NOL4L: variants seen among roughly 807,000 people sequenced by gnomAD.
NOL4L encodes the protein nucleolar protein 4-like.
In NOL4L, 7 loss-of-function variants were observed where a neutral mutation model predicts 64.5. That is an observed-to-expected ratio of 0.11 (90% CI 0.06 to 0.20). The LOEUF (loss-of-function observed/expected upper bound fraction) is 0.20, where lower values mean the gene tolerates loss of function less well. Among genes scored for constraint, NOL4L ranks in the 10% least tolerant of loss-of-function variants. The probability of loss-of-function intolerance (pLI) is 1.00; values close to 1 mark genes in which losing one functional copy is unlikely to be tolerated. For missense variants in NOL4L, 680 were observed against 967.1 expected, an observed-to-expected ratio of 0.70 and a Z score of 3.94; for synonymous variants, 413 against 401.0, an observed-to-expected ratio of 1.03 and a Z score of -0.36.
chr20:32,455,091 T>C (rs1194995446), intron 6 of NOL4L, among the ~76,000 whole-genome samples: 1 of 152,144 alleles, frequency 6.6e-6, no homozygotes, highest in Non-Finnish European at 1.5e-5. Flanking sequence ...CCCACGCCAC[T>C]CCTCAGCCAA....
Position 32,446,237 on chromosome 20 carries a change from A to ATCAG in NOL4L, c.*1358_*1359insCTGA, listed in dbSNP as rs966939541. 6.6e-6 allele frequency: 1 copy of ATCAG among 152,018 alleles called. No individual in the cohort carries two copies. The highest frequency in any genetic ancestry group is 1.5e-5 in the Non-Finnish European group (1 of 68,094). 9.4% of individuals were successfully genotyped at this position (152,018 alleles called of 1,614,324 possible). On this transcript the variant is annotated 3_prime_UTR_variant, in exon 11 of 11. Transcript: ENST00000621426. ...AGCAAGAGGAAGTGCCTATCAATCA[A>ATCAG]TCAATCAGGGAGGAAGGAAACCAGG...
intron 5 of NOL4L, among the ~76,000 whole-genome samples, chr20:32,458,071 C>T (rs1216560299): frequency 1.3e-5 from 2 of 152,190 alleles, no homozygotes; most frequent in African/African-American, 4.8e-5. Context: ...GGGAACCAGA[C>T]CAGCTCCTCA....
At chr20:32,475,655 G>C (rs1275308505) in intron 4 of NOL4L, among the ~76,000 whole-genome samples, 1 of 152,238 alleles carries the variant, frequency 6.6e-6, no homozygotes, top group Non-Finnish European at 1.5e-5. Context: ...GTAAAACCAA[G>C]AAAGATGACC....
At chr20:32,529,274 G>C (rs1000823009) in intron 1 of NOL4L, among the ~76,000 whole-genome samples, 7 of 152,222 alleles carry the variant, frequency 4.6e-5, no homozygotes, top group Non-Finnish European at 1.0e-4. Flanking sequence ...AGTTGTGTGT[G>C]CAGCACTTGG....
intron 4 of NOL4L, among the ~76,000 whole-genome samples, chr20:32,476,485 G>A (rs954920513): frequency 6.6e-6 from 1 of 152,218 alleles, no homozygotes; most frequent in East Asian, 1.9e-4. Flanking sequence ...ATGCCCAGGG[G>A]GTGCCATGCT....
intron 4 of NOL4L, chr20:32,510,522 C>T (rs188971188): frequency 3.4e-4 from 54 of 160,924 alleles, no homozygotes; most frequent in African/African-American, 1.2e-3. Flanking sequence ...AGACCGGCAG[C>T]GCAGGACAGC....
intron 10 of NOL4L, among the ~76,000 whole-genome samples, chr20:32,450,628 A>AGGAG (rs969181126): frequency 3.9e-5 from 6 of 152,156 alleles, no homozygotes; most frequent in Non-Finnish European, 8.8e-5. Flanking sequence ...AGAGGCCCTT[A>AGGAG]GGAGGGTCAG....
chr20:32,481,735 C>T (rs1220238102), intron 4 of NOL4L, among the ~76,000 whole-genome samples: 1 of 152,212 alleles, frequency 6.6e-6, no homozygotes, highest in Non-Finnish European at 1.5e-5. Context: ...GCCCTAATGG[C>T]TTTCCAATGA....
At chr20:32,520,549 C>T (rs7272566) in intron 3 of NOL4L, among the ~76,000 whole-genome samples, 5,885 of 152,152 alleles carry the variant, frequency 0.039, 337 homozygotes, top group African/African-American at 0.13. Flanking sequence ...AGGGGCTGGC[C>T]GGGGCCTTGC....
At chr20:32,475,150 C>T in intron 4 of NOL4L, 2 of 985,468 alleles carry the variant, frequency 2.0e-6, no homozygotes, top group Non-Finnish European at 2.4e-6. Context: ...GGCAGCAGCA[C>T]ATGCCCGCCA....
At chr20:32,466,959 C>A (rs1460723303) in intron 5 of NOL4L, among the ~76,000 whole-genome samples, 1 of 152,108 alleles carries the variant, frequency 6.6e-6, no homozygotes, top group Non-Finnish European at 1.5e-5. Flanking sequence ...TGCTGTGACC[C>A]AGGGATGGGC....
intron 1 of NOL4L, among the ~76,000 whole-genome samples, chr20:32,561,464 G>A (rs1218836095): frequency 1.3e-5 from 2 of 152,218 alleles, no homozygotes; most frequent in Non-Finnish European, 2.9e-5. Flanking sequence ...TTCCAGAGCC[G>A]AGGGTGTGCC....
chr20:32,475,255 C>G, intron 4 of NOL4L: 4 of 985,466 alleles, frequency 4.1e-6, no homozygotes, highest in Non-Finnish European at 4.8e-6. Flanking sequence ...CTCCCCCAGC[C>G]CAGAGGACGT....
chr20:32,455,669 G>T (rs1306300613), intron 6 of NOL4L, among the ~76,000 whole-genome samples: 1 of 152,108 alleles, frequency 6.6e-6, no homozygotes, highest in Non-Finnish European at 1.5e-5. Context: ...CAAAGGAGGA[G>T]TTCCACTGCC....
chr20:32,455,505 C>CG (rs1051529589), intron 6 of NOL4L, among the ~76,000 whole-genome samples: 2 of 152,188 alleles, frequency 1.3e-5, no homozygotes, highest in Non-Finnish European at 2.9e-5. Context: ...CTCTGGCCCC[C>CG]GGGCCCAGGT....
chr20:32,534,318 G>T (rs2018442429), intron 1 of NOL4L, among the ~76,000 whole-genome samples: 1 of 152,204 alleles, frequency 6.6e-6, no homozygotes, highest in South Asian at 2.1e-4. Flanking sequence ...TATTGGACGA[G>T]AAAGTCAGCC....
intron 4 of NOL4L, among the ~76,000 whole-genome samples, chr20:32,504,878 C>T (rs571152712): frequency 2.0e-5 from 3 of 152,262 alleles, no homozygotes; most frequent in South Asian, 2.1e-4. Context: ...GGATTACAGG[C>T]GTGAGCCACT....
chr20:32,511,333 G>C lies in NOL4L; in HGVS notation c.699+14C>G, dbSNP rs1284791814. 3 of 1,532,854 alleles carry C rather than the reference G, an allele frequency of 2.0e-6. No individual in the cohort carries two copies. The highest frequency in any genetic ancestry group is 2.7e-6 in the Non-Finnish European group (3 of 1,131,676). 95.0% of individuals were successfully genotyped at this position (1,532,854 alleles called of 1,614,324 possible). A position where few individuals can be genotyped will look rare whatever the true frequency, so the allele number is the denominator to read the frequency against. On this transcript the variant is annotated intron_variant, in intron 4 of 10. Transcript: ENST00000621426. The stretch of plus-strand genomic sequence containing the variant: ...GACGCCTCCAGGTGGGGTGAGGGGA[G>C]ACGGCCGCCTTACCTGCTCCTGGGA...
intron 1 of NOL4L, among the ~76,000 whole-genome samples, chr20:32,534,171 G>A (rs943110306): frequency 6.6e-6 from 1 of 152,186 alleles, no homozygotes; most frequent in African/African-American, 2.4e-5. Flanking sequence ...GAGAGGATGC[G>A]GCTAAATAGC....
Sources: gnomAD v4.1 joint callset for allele counts (sites outside exome capture counted in the v4.1 genomes callset) on GRCh38, gnomAD v4.1.1 for gene constraint, MANE v1.5 for transcripts, NCBI Gene and HGNC (gene_info 2026-07-23, HGNC 2026-07-21) for gene names.